The following RBFOX1 variants were observed in gnomAD, a reference collection of about 807,000 sequenced individuals.
The protein encoded by RBFOX1 is RNA binding fox-1 homolog 1.
In RBFOX1, 8 loss-of-function variants were observed where a neutral mutation model predicts 57.7. That is an observed-to-expected ratio of 0.14 (90% CI 0.08 to 0.25). The LOEUF (loss-of-function observed/expected upper bound fraction) is 0.25, where lower values mean the gene tolerates loss of function less well. Among genes scored for constraint, RBFOX1 ranks in the 10% least tolerant of loss-of-function variants. The pLI, the probability that RBFOX1 is intolerant of heterozygous loss-of-function variation, is 1.00. For missense variants in RBFOX1, 611 were observed against 548.5 expected (o/e 1.11, Z -1.14); for synonymous variants, 326 against 222.4 (o/e 1.47, Z -4.15).
intron 4 of RBFOX1, among the ~76,000 whole-genome samples, chr16:7,373,370 G>A (rs2097609701): frequency 6.6e-6 from 1 of 152,120 alleles, no homozygotes; most frequent in Non-Finnish European, 1.5e-5. Context: ...AAAGCTACAG[G>A]TACTATTAAG....
chr16:5,955,880 C>T (rs754944552), intron 4 of RBFOX1, among the ~76,000 whole-genome samples: 13 of 152,256 alleles, frequency 8.5e-5, no homozygotes, highest in Middle Eastern at 3.4e-3. Context: ...AGGAAGATAA[C>T]GGGTCCAATG....
At chr16:5,532,688 C>G (rs979905915) in intron 2 of RBFOX1, among the ~76,000 whole-genome samples, 1 of 152,210 alleles carries the variant, frequency 6.6e-6, no homozygotes, top group South Asian at 2.1e-4. Flanking sequence ...GTGCTCTGAG[C>G]TTGCTGGCTC....
intron 3 of RBFOX1, among the ~76,000 whole-genome samples, chr16:6,674,254 G>C (rs2098786452): frequency 1.3e-5 from 2 of 152,112 alleles, no homozygotes; most frequent in South Asian, 4.2e-4. Context: ...ATGTTATCAA[G>C]TTAAAATGAC....
intron 3 of RBFOX1, among the ~76,000 whole-genome samples, chr16:5,781,288 GC>G (rs1011789802): frequency 6.6e-6 from 1 of 152,170 alleles, no homozygotes; most frequent in African/African-American, 2.4e-5. Context: ...TTGCTTAGAA[GC>G]TTAAGGTTTA....
intron 4 of RBFOX1, among the ~76,000 whole-genome samples, chr16:7,444,983 T>C: frequency 6.6e-6 from 1 of 152,136 alleles, no homozygotes; most frequent in South Asian, 2.1e-4. Context: ...TTCTAACTCT[T>C]ATTGCTGAGC....
At chr16:6,364,432 C>A (rs1600140662) in intron 2 of RBFOX1, among the ~76,000 whole-genome samples, 1 of 152,150 alleles carries the variant, frequency 6.6e-6, no homozygotes, top group Non-Finnish European at 1.5e-5. Flanking sequence ...ATTTTTAACA[C>A]CCACCTTGCC....
intron 1 of RBFOX1, among the ~76,000 whole-genome samples, chr16:5,414,868 A>G (rs1241922402): frequency 6.6e-6 from 1 of 152,216 alleles, no homozygotes; most frequent in Non-Finnish European, 1.5e-5. Flanking sequence ...TTAAGGAGCC[A>G]GCAGGGATGG....
chr16:5,248,520 G>C lies in RBFOX1; in HGVS notation c.219+8415G>C, dbSNP rs969401581. On this transcript the variant is annotated intron_variant, in intron 1 of 2. Transcript: ENST00000585867. ...AGCCTAGCACAGGGTTCCTGCCTTA[G>C]CTTCTCTAAGGCTCCCTCTGACCCT... Among the ~76,000 whole-genome samples the C allele has an allele frequency of 3.2e-4, 49 of 152,322 alleles. 1 individual carries two copies. Among genetic ancestry groups the C allele is most frequent in the Middle Eastern group, 6.8e-3 (2 of 294 alleles).
At chr16:7,221,753 C>T (rs1302985537) in intron 4 of RBFOX1, among the ~76,000 whole-genome samples, 1 of 152,158 alleles carries the variant, frequency 6.6e-6, no homozygotes, top group Non-Finnish European at 1.5e-5. Context: ...TATTCAATGG[C>T]CATCAAAGTT....
intron 4 of RBFOX1, among the ~76,000 whole-genome samples, chr16:7,230,405 T>C (rs1180690918): frequency 6.6e-6 from 1 of 152,116 alleles, no homozygotes; most frequent in African/African-American, 2.4e-5. Flanking sequence ...GCTTCCATAG[T>C]TAACTTATTC....
chr16:5,704,805 T>A (rs949625010), intron 3 of RBFOX1, among the ~76,000 whole-genome samples: 1 of 152,160 alleles, frequency 6.6e-6, no homozygotes, highest in Non-Finnish European at 1.5e-5. Context: ...CAGGGTGAGT[T>A]GGCCAGTGCC....
chr16:6,262,555 T>A (rs1030201223), intron 1 of RBFOX1, among the ~76,000 whole-genome samples: 2 of 152,188 alleles, frequency 1.3e-5, no homozygotes, highest in African/African-American at 2.4e-5. Context: ...GCGTTTGTAG[T>A]TATTTTGCTG....
chr16:7,688,260 T>TGAGAGAGAGAGA (rs141940868), intron 14 of RBFOX1, among the ~76,000 whole-genome samples: 16 of 125,294 alleles, frequency 1.3e-4, no homozygotes, highest in African/African-American at 4.2e-4. Flanking sequence ...TGTGTGTGTG[T>TGAGAGAGAGAGA]GAGAGAGAGA....
At chr16:6,474,402 T>A (rs1157644756) in intron 2 of RBFOX1, among the ~76,000 whole-genome samples, 12 of 152,164 alleles carry the variant, frequency 7.9e-5, no homozygotes, top group Admixed American at 7.9e-4. Context: ...AGCCAAAGGC[T>A]TTTGAGGAGG....
In RBFOX1 at chr16:7,631,757, A is replaced by G. The variant is rs180934210; in HGVS notation, c.757+1074A>G. 3.5e-3 allele frequency among the ~76,000 whole-genome samples: 528 copies of G among 152,292 alleles called. 3 individuals carry two copies. The highest frequency in any genetic ancestry group is 0.012 in the African/African-American group (498 of 41,566). On this transcript the variant is annotated intron_variant, in intron 11 of 15. Transcript: ENST00000550418. ...CCTCACCATCGTGCCAAAACCAAAC[A>G]TCTTCGTTTCCTAAATTGTGAAGCT...
chr16:6,412,550 C>G (rs537773267), intron 2 of RBFOX1, among the ~76,000 whole-genome samples: 20 of 152,222 alleles, frequency 1.3e-4, no homozygotes, highest in Non-Finnish European at 2.9e-4. Context: ...TCACCAATGT[C>G]TTTGAAACCT....
intron 2 of RBFOX1, among the ~76,000 whole-genome samples, chr16:6,565,403 G>A (rs1048591033): frequency 6.6e-6 from 1 of 151,924 alleles, no homozygotes; most frequent in South Asian, 2.1e-4. Flanking sequence ...AACTACAGGC[G>A]CCCGCCACCA....
At chr16:5,256,786 T>C (rs1263650245) in intron 1 of RBFOX1, among the ~76,000 whole-genome samples, 1 of 151,900 alleles carries the variant, frequency 6.6e-6, no homozygotes, top group East Asian at 1.9e-4. Flanking sequence ...GTACAAAAAT[T>C]AGCCCGGTGT....
intron 4 of RBFOX1, among the ~76,000 whole-genome samples, chr16:7,207,959 T>C (rs2152763577): frequency 6.6e-6 from 1 of 152,296 alleles, no homozygotes; most frequent in East Asian, 1.9e-4. Flanking sequence ...AGCTTCTCAG[T>C]TACCTTTATT....
Sources: allele counts gnomAD v4.1 joint callset (sites outside exome capture counted in the v4.1 genomes callset), GRCh38; gene constraint gnomAD v4.1.1; transcripts MANE v1.5; gene names NCBI Gene and HGNC (gene_info 2026-07-23, HGNC 2026-07-21).